LSAMP: variants seen among roughly 807,000 people sequenced by gnomAD.
The protein encoded by LSAMP is limbic system associated membrane protein.
In LSAMP, 7 loss-of-function variants were observed where a neutral mutation model predicts 38.6. The ratio of observed to expected loss-of-function variants is 0.18; its 90% CI spans 0.10 to 0.34. The LOEUF is 0.34. Among genes scored for constraint, LSAMP ranks in the 10% least tolerant of loss-of-function variants. LSAMP has a pLI of 1.00. For synonymous variants in LSAMP, 154 were observed against 166.8 expected (o/e 0.92, Z 0.59); for missense variants, 313 against 420.0 (o/e 0.75, Z 2.23).
chr3:116,136,638 T>C (rs1398644533), intron 1 of LSAMP, among the ~76,000 whole-genome samples: 1 of 152,180 alleles, frequency 6.6e-6, no homozygotes, highest in African/African-American at 2.4e-5. Context: ...CTGCCATTTT[T>C]TCCATTCCTG....
At chr3:116,234,619 A>G (rs2046443211) in intron 1 of LSAMP, among the ~76,000 whole-genome samples, 1 of 152,086 alleles carries the variant, frequency 6.6e-6, no homozygotes, top group Non-Finnish European at 1.5e-5. Flanking sequence ...TCAATAGAAA[A>G]CTTAAAAAAA....
At chr3:116,388,246 T>C (rs2048649408) in intron 1 of LSAMP, among the ~76,000 whole-genome samples, 2 of 152,166 alleles carry the variant, frequency 1.3e-5, no homozygotes, top group African/African-American at 4.8e-5. Flanking sequence ...ATGCATACAT[T>C]GACCCTATTT....
chr3:116,073,135 T>C (rs1398644254), intron 2 of LSAMP, among the ~76,000 whole-genome samples: 1 of 152,202 alleles, frequency 6.6e-6, no homozygotes, highest in Non-Finnish European at 1.5e-5. Flanking sequence ...GGCTAACCAG[T>C]TCTCCTAGAA....
rs139544511 is a variant in LSAMP at position 116,130,046 on chromosome 3, A to T, written c.156-43490T>A. Reference sequence around the variant, plus strand: ...ATAAAGACGACAAGCTTTTCCAAGCATATCTAGGAACACTCTCAGTAGTTT... The same window carrying T: ...ATAAAGACGACAAGCTTTTCCAAGCTTATCTAGGAACACTCTCAGTAGTTT... On this transcript the variant is annotated intron_variant, in intron 1 of 6. Transcript: ENST00000490035. Among the ~76,000 whole-genome samples the T allele has an allele frequency of 1.4e-4, 21 of 152,370 alleles. No homozygotes were observed. The East Asian group carries it at 3.7e-3, about 27-fold the overall frequency.
chr3:116,188,826 C>G (rs1245391065), intron 1 of LSAMP, among the ~76,000 whole-genome samples: 2 of 152,124 alleles, frequency 1.3e-5, no homozygotes, highest in Non-Finnish European at 1.5e-5. Context: ...CACATATACT[C>G]AGCAGAAACT....
chr3:116,132,822 C>T (rs139198741), intron 1 of LSAMP, among the ~76,000 whole-genome samples: 196 of 152,306 alleles, frequency 1.3e-3, no homozygotes, highest in African/African-American at 4.5e-3. Flanking sequence ...CCCTGGAATA[C>T]ATATGTCCCA....
intron 6 of LSAMP, among the ~76,000 whole-genome samples, chr3:115,818,531 T>C (rs1934103836): frequency 6.6e-6 from 1 of 151,892 alleles, no homozygotes; most frequent in African/African-American, 2.4e-5. Flanking sequence ...TACATGCATC[T>C]TATAAATTTG....
intron 3 of LSAMP, among the ~76,000 whole-genome samples, chr3:115,906,970 C>T (rs1305239235): frequency 6.6e-6 from 1 of 152,088 alleles, no homozygotes; most frequent in Non-Finnish European, 1.5e-5. Context: ...AACAACAATC[C>T]TAATAACCTA....
intron 3 of LSAMP, among the ~76,000 whole-genome samples, chr3:115,902,885 C>T (rs1342009865): frequency 6.6e-6 from 1 of 152,130 alleles, no homozygotes; most frequent in Non-Finnish European, 1.5e-5. Context: ...CATCTATGAA[C>T]TGTTGGTAGG....
intron 1 of LSAMP, among the ~76,000 whole-genome samples, chr3:116,191,194 G>T (rs1710746300): frequency 6.6e-6 from 1 of 152,174 alleles, no homozygotes; most frequent in African/African-American, 2.4e-5. Flanking sequence ...CTGCACTTCA[G>T]CCTGGGCAAT....
intron 1 of LSAMP, among the ~76,000 whole-genome samples, chr3:116,105,448 C>G (rs937794875): frequency 6.6e-6 from 1 of 151,776 alleles, no homozygotes; most frequent in African/African-American, 2.4e-5. Flanking sequence ...GGGCTGAGTC[C>G]GAAAGCAGAG....
At chr3:116,155,671 CATACATACATATAT>C (rs1709731210) in intron 1 of LSAMP, among the ~76,000 whole-genome samples, 1 of 151,752 alleles carries the variant, frequency 6.6e-6, no homozygotes, top group Non-Finnish European at 1.5e-5. Context: ...GTCTGTAAAA[CATACATACATATAT>C]ATACATACAT....
At chr3:115,971,566 C>A (rs1479553957) in intron 3 of LSAMP, among the ~76,000 whole-genome samples, 1 of 152,116 alleles carries the variant, frequency 6.6e-6, no homozygotes, top group Non-Finnish European at 1.5e-5. Flanking sequence ...TATTTCATTG[C>A]TGCTGAACAT....
chr3:116,022,926 T>C (rs925828444), intron 2 of LSAMP, among the ~76,000 whole-genome samples: 5 of 152,154 alleles, frequency 3.3e-5, no homozygotes, highest in African/African-American at 9.7e-5. Flanking sequence ...TTGTGTTTTA[T>C]TATCTTAGTT....
chr3:115,887,286 T>G (rs1212002074), intron 3 of LSAMP, among the ~76,000 whole-genome samples: 1 of 151,968 alleles, frequency 6.6e-6, no homozygotes, highest in African/African-American at 2.4e-5. Flanking sequence ...TCCCATTATA[T>G]ATATCATTTT....
intron 3 of LSAMP, among the ~76,000 whole-genome samples, chr3:115,995,208 C>T (rs928847624): frequency 3.9e-5 from 6 of 152,082 alleles, no homozygotes; most frequent in Admixed American, 3.9e-4. Context: ...TGTGTAATGT[C>T]ACCATTATTC....
chr3:115,974,144 A>G (rs1297302811), intron 3 of LSAMP, among the ~76,000 whole-genome samples: 2 of 152,118 alleles, frequency 1.3e-5, no homozygotes, highest in Non-Finnish European at 2.9e-5. Context: ...CAAGAGCTCC[A>G]GACCAGCCTG....
intron 3 of LSAMP, among the ~76,000 whole-genome samples, chr3:115,858,167 C>T (rs1406078945): frequency 6.7e-6 from 1 of 149,130 alleles, no homozygotes; most frequent in Admixed American, 6.7e-5. Flanking sequence ...CTCTCTCTCA[C>T]ACACACACAC....
chr3:116,294,846 G>A (rs898711237), intron 1 of LSAMP, among the ~76,000 whole-genome samples: 2 of 152,164 alleles, frequency 1.3e-5, no homozygotes, highest in Non-Finnish European at 2.9e-5. Flanking sequence ...TAGTGAAGGA[G>A]GGTGACAGAG....
Sources: gnomAD v4.1 joint callset for allele counts (sites outside exome capture counted in the v4.1 genomes callset) on GRCh38, gnomAD v4.1.1 for gene constraint, MANE v1.5 for transcripts, NCBI Gene and HGNC (gene_info 2026-07-23, HGNC 2026-07-21) for gene names.